LRRC40: variants seen among roughly 807,000 people sequenced by gnomAD.
LRRC40 encodes the protein leucine rich repeat containing 40, also known as leucine-rich repeat-containing protein 40.
LRRC40 carries 76 observed loss-of-function variants against 72.8 expected under a neutral mutation model. The ratio of observed to expected loss-of-function variants is 1.04; its 90% CI spans 0.87 to 1.26. The LOEUF (loss-of-function observed/expected upper bound fraction) is 1.26. Among genes scored for constraint, LRRC40 ranks in the 50% most tolerant of loss-of-function variants. The pLI is 0.00. For synonymous variants in LRRC40, 243 were observed against 254.2 expected (o/e 0.96, Z 0.42); for missense variants, 684 against 698.9 (o/e 0.98, Z 0.24).
intron 11 of LRRC40, among the ~76,000 whole-genome samples, chr1:70,154,380 C>A (rs1347725437): frequency 6.6e-6 from 1 of 152,140 alleles, no homozygotes; most frequent in African/African-American, 2.4e-5. Flanking sequence ...TAAAATGAGG[C>A]AGTAAATAAT....
chr1:70,154,685 T>A (rs1315511621), intron 11 of LRRC40, among the ~76,000 whole-genome samples: 3 of 152,164 alleles, frequency 2.0e-5, no homozygotes, highest in Non-Finnish European at 2.9e-5. Flanking sequence ...ATCTAAAAAA[T>A]TTTTGATAGT....
At chr1:70,166,707 T>C (rs572696950) in intron 9 of LRRC40, among the ~76,000 whole-genome samples, 2 of 151,876 alleles carry the variant, frequency 1.3e-5, no homozygotes, top group African/African-American at 4.8e-5. Context: ...TTTAAGTAAA[T>C]TACTCTCTCA....
At chr1:70,191,683 A>G (rs1032611911) in intron 1 of LRRC40, among the ~76,000 whole-genome samples, 2 of 152,154 alleles carry the variant, frequency 1.3e-5, no homozygotes, top group African/African-American at 4.8e-5. Context: ...CAACTGTCCC[A>G]TAAGAACCAC....
chr1:70,190,126 T>C (rs1215035918), intron 1 of LRRC40, among the ~76,000 whole-genome samples: 1 of 152,196 alleles, frequency 6.6e-6, no homozygotes, highest in African/African-American at 2.4e-5. Flanking sequence ...CTATTTTCAA[T>C]AGAGTCCTTC....
At chr1:70,148,773 G>C in intron 13 of LRRC40, 101 bp from the exon 14 acceptor site, 1 of 679,842 alleles carries the variant, frequency 1.5e-6, no homozygotes, top group South Asian at 3.2e-5. Flanking sequence ...TTTTTCTTTA[G>C]TGTATGTTAT....
intron 9 of LRRC40, among the ~76,000 whole-genome samples, chr1:70,164,701 G>C (rs930058547): frequency 1.3e-5 from 2 of 152,012 alleles, no homozygotes; most frequent in Non-Finnish European, 2.9e-5. Flanking sequence ...TTCTTACAAG[G>C]GTCTTTTTTT....
chr1:70,189,836 T>G (rs1668453416), intron 1 of LRRC40, among the ~76,000 whole-genome samples: 1 of 152,192 alleles, frequency 6.6e-6, no homozygotes, highest in African/African-American at 2.4e-5. Flanking sequence ...AATGTATAAT[T>G]TGGCCAGGGT....
At chr1:70,173,087 G>A (rs1668031632) in intron 9 of LRRC40, among the ~76,000 whole-genome samples, 1 of 151,910 alleles carries the variant, frequency 6.6e-6, no homozygotes, top group African/African-American at 2.4e-5. Context: ...GCAAAGCTGT[G>A]CACGAAAAAT....
At chr1:70,166,116 T>C (rs1045338457) in intron 9 of LRRC40, among the ~76,000 whole-genome samples, 1 of 152,218 alleles carries the variant, frequency 6.6e-6, no homozygotes, top group Non-Finnish European at 1.5e-5. Context: ...GTCTTGCCAA[T>C]ATATGCTTTG....
At chr1:70,191,363 C>T (rs1287111291) in intron 1 of LRRC40, among the ~76,000 whole-genome samples, 1 of 151,918 alleles carries the variant, frequency 6.6e-6, no homozygotes, top group Non-Finnish European at 1.5e-5. Flanking sequence ...TAACAAATGT[C>T]TTTTTTTGGA....
At chr1:70,186,394 T>A (rs1182944885) in intron 3 of LRRC40, among the ~76,000 whole-genome samples, 1 of 152,126 alleles carries the variant, frequency 6.6e-6, no homozygotes, top group East Asian at 1.9e-4. Flanking sequence ...TGTGATGGAG[T>A]TCTAAATAAT....
At chr1:70,183,774 G>A (rs994095916) in intron 4 of LRRC40, among the ~76,000 whole-genome samples, 2 of 151,838 alleles carry the variant, frequency 1.3e-5, no homozygotes, top group South Asian at 2.1e-4. Context: ...GGCTGGTCTC[G>A]AACTCCTGGG....
chr1:70,157,502 G>T (rs1667665571), intron 10 of LRRC40, among the ~76,000 whole-genome samples: 1 of 152,052 alleles, frequency 6.6e-6, no homozygotes, highest in African/African-American at 2.4e-5. Context: ...AGTAGAAATG[G>T]TTATCCCAAA....
At position 70,173,697 on chromosome 1, in the gene LRRC40, T is replaced by C; in HGVS notation, c.990A>G (p.Ser330=). 7 of 1,526,354 alleles carry C rather than the reference T, an allele frequency of 4.6e-6. No homozygotes were observed. The highest frequency in any genetic ancestry group is 6.3e-6 in the Non-Finnish European group (7 of 1,115,006). 94.6% of individuals were successfully genotyped at this position (1,526,354 alleles called of 1,614,324 possible). Reference sequence around the variant, plus strand: ...AAAATTTCAAATGAAGGTTCCCCAATGAATAGGGAAGACTATAAAAGATTA... The same window carrying C: ...AAAATTTCAAATGAAGGTTCCCCAACGAATAGGGAAGACTATAAAAGATTA... ...SNNDISSLPY[S]LGNLHLKFLA... Residue 330 remains serine (S), a synonymous_variant, in exon 8 of 15, where the codon TCA becomes TCG. Transcript: ENST00000370952.
Position 70,144,978 on chromosome 1 carries a change from T to C in LRRC40, c.*822A>G, listed in dbSNP as rs1243094326. 1 of 152,192 alleles carries C rather than the reference T, an allele frequency of 6.6e-6. No homozygotes were observed. The highest frequency in any genetic ancestry group is 2.4e-5 in the African/African-American group (1 of 41,446). The allele number at this position is 152,192 out of a possible 1,614,324, so 9.4% of individuals were successfully genotyped here. ...TAATAGAATCATATGGTAAGTGTTA[T>C]AATGACTAATCAACCTACTTCTGAT... is the stretch of plus-strand genomic sequence containing the variant. On this transcript the variant is annotated 3_prime_UTR_variant, in exon 15 of 15. Transcript: ENST00000370952.
At chr1:70,170,029 T>C (rs1267229386) in intron 9 of LRRC40, among the ~76,000 whole-genome samples, 1 of 151,916 alleles carries the variant, frequency 6.6e-6, no homozygotes, top group Non-Finnish European at 1.5e-5. Flanking sequence ...AAAAAACAAA[T>C]CTAGCAACAT....
In LRRC40 at chr1:70,205,530, A is replaced by C. The variant is rs771163355; in HGVS notation, c.11T>G (p.Leu4Arg). 1.3e-6 allele frequency: 2 copies of C among 1,595,796 alleles called. No homozygotes were observed. Among genetic ancestry groups the C allele is most frequent in the Non-Finnish European group, 1.7e-6 (2 of 1,166,100 alleles). MSR[L>R]KRIAGQDLRA... The stretch of plus-strand genomic sequence containing the variant: ...GAGATCCTGCCCCGCTATCCGCTTC[A>C]GGCGCGACATGTTCAAAGTCCTAGG... The change falls in exon 1 of 15, where the codon CTG becomes CGG. Residue 4 changes from leucine (L) to arginine (R), a missense_variant. Transcript: ENST00000370952.
chr1:70,159,100 C>T (rs188048417), intron 10 of LRRC40, among the ~76,000 whole-genome samples: 2 of 151,700 alleles, frequency 1.3e-5, no homozygotes, highest in African/African-American at 4.9e-5. Context: ...AATTTTTCCT[C>T]ATCAATTGTC....
At chr1:70,198,610 G>C (rs1017367643) in intron 1 of LRRC40, among the ~76,000 whole-genome samples, 5 of 152,068 alleles carry the variant, frequency 3.3e-5, no homozygotes, top group Non-Finnish European at 5.9e-5. Context: ...TTTGAAGTTG[G>C]TTATTAACAA....
Sources: gnomAD v4.1 joint callset for allele counts (sites outside exome capture counted in the v4.1 genomes callset) on GRCh38, gnomAD v4.1.1 for gene constraint, MANE v1.5 for transcripts, NCBI Gene and HGNC (gene_info 2026-07-23, HGNC 2026-07-21) for gene names.